ZC3H7B: variants seen among roughly 807,000 people sequenced by gnomAD.
The protein encoded by ZC3H7B is zinc finger CCCH domain-containing protein 7B.
ZC3H7B carries 35 observed loss-of-function variants against 116.0 expected under a neutral mutation model. The ratio of observed to expected loss-of-function variants is 0.30; its 90% confidence interval spans 0.23 to 0.40. ZC3H7B has a LOEUF of 0.40. ZC3H7B is among the 10% of genes least tolerant of loss of function. ZC3H7B has a pLI of 1.00. For synonymous variants in ZC3H7B, 502 were observed against 545.6 expected, an observed-to-expected ratio of 0.92 and a Z score of 1.11; for missense variants, 1,011 against 1,321.5, an observed-to-expected ratio of 0.77 and a Z score of 3.64.
chr22:41,343,596 G>A lies in ZC3H7B; in HGVS notation c.1459+20G>A. 6.3e-7 allele frequency: 1 copy of A among 1,576,752 alleles called. No homozygotes were observed. Among genetic ancestry groups the A allele is most frequent in the Non-Finnish European group, 8.6e-7 (1 of 1,157,436 alleles). On this transcript the variant is annotated intron_variant, in intron 13 of 22. Transcript: ENST00000352645. The stretch of plus-strand genomic sequence containing the variant: ...GCAAAGGTGGGTGGGCTGCAGCGGG[G>A]CAGGCAGCACAGCTGGGGCCCAGCC...
intron 1 of ZC3H7B, among the ~76,000 whole-genome samples, chr22:41,318,603 G>A (rs913027443): frequency 4.6e-5 from 7 of 151,242 alleles, no homozygotes; most frequent in African/African-American, 1.7e-4. Flanking sequence ...TTAAAGGTTA[G>A]CGAGGCATGG....
intron 1 of ZC3H7B, among the ~76,000 whole-genome samples, chr22:41,320,399 T>C (rs1185721477): frequency 6.6e-6 from 1 of 150,950 alleles, no homozygotes; most frequent in Non-Finnish European, 1.5e-5. Flanking sequence ...AGCTCAAGCC[T>C]GTGTGGGAAA....
rs1284380682 is a variant in ZC3H7B, at chr22:41,301,674, C to G, written c.-105C>G. The G allele has an allele frequency of 6.6e-6, 1 of 152,170 alleles. No homozygotes were observed. The highest frequency in any genetic ancestry group is 1.5e-5 in the Non-Finnish European group (1 of 68,032). The allele number at this position is 152,170 out of a possible 1,614,324, so 9.4% of individuals were successfully genotyped here. On this transcript the variant is annotated 5_prime_UTR_variant, in exon 1 of 23. Transcript: ENST00000352645. The stretch of plus-strand genomic sequence containing the variant: ...CGCCCGTAATTAAATAGCATTTACT[C>G]TTATTATTACTAATAATAATAACGT...
rs35629525 is a variant in ZC3H7B, at chr22:41,320,030, CAA to C, written c.-6-611_-6-610del. ...TGGGCAATAGAGCGAGACTCCATCT[CAA>C]AAAAAAAAAAAAATGGGGGGCCGGG... On this transcript the variant is annotated intron_variant, in intron 1 of 22. Coordinates refer to ENST00000352645, the MANE Select transcript of ZC3H7B (RefSeq NM_017590.6). Among the ~76,000 whole-genome samples, 44 of 127,598 alleles carry C rather than the reference CAA, an allele frequency of 3.4e-4. 1 individual carries two copies. The East Asian group carries it at 6.2e-3, about 18-fold the overall frequency. The allele number at this position is 127,598 out of a possible 152,430, so 83.7% of individuals were successfully genotyped here. A position where few individuals can be genotyped will look rare whatever the true frequency, so the allele number is the denominator to read the frequency against.
intron 15 of ZC3H7B, among the ~76,000 whole-genome samples, 177 bp downstream of exon 15, chr22:41,348,344 C>G (rs563164682): frequency 1.3e-5 from 2 of 152,216 alleles, no homozygotes; most frequent in African/African-American, 4.8e-5. Flanking sequence ...TCACATTTGT[C>G]GAACATCTAC....
At chr22:41,306,344 T>C (rs1280755639) in intron 1 of ZC3H7B, among the ~76,000 whole-genome samples, 2 of 152,014 alleles carry the variant, frequency 1.3e-5, no homozygotes, top group Non-Finnish European at 2.9e-5. Flanking sequence ...CTGTTGCAAG[T>C]GCTTTTTCCT....
chr22:41,353,677 C>A (rs549059297), intron 17 of ZC3H7B, among the ~76,000 whole-genome samples: 1 of 152,242 alleles, frequency 6.6e-6, no homozygotes, highest in Admixed American at 6.5e-5. Context: ...AAGAGGCTGA[C>A]CAGGGTGTGG....
chr22:41,312,223 T>A (rs941646057), intron 1 of ZC3H7B, among the ~76,000 whole-genome samples: 8 of 151,590 alleles, frequency 5.3e-5, no homozygotes, highest in Non-Finnish European at 7.4e-5. Flanking sequence ...TCCCAGTACT[T>A]TGGGAGGCTG....
chr22:41,311,321 A>G (rs182251899), intron 1 of ZC3H7B, among the ~76,000 whole-genome samples: 93 of 152,112 alleles, frequency 6.1e-4, no homozygotes, highest in African/African-American at 2.0e-3. Flanking sequence ...AAGGTGGCTG[A>G]GAACAGGATG....
chr22:41,313,940 G>A (rs1273507328), intron 1 of ZC3H7B, among the ~76,000 whole-genome samples: 1 of 151,142 alleles, frequency 6.6e-6, no homozygotes, highest in East Asian at 1.9e-4. Context: ...ATTTTTGTAG[G>A]GACGGGTTTT....
chr22:41,344,086 TC>T (rs1569240997), intron 13 of ZC3H7B, among the ~76,000 whole-genome samples: 4 of 152,244 alleles, frequency 2.6e-5, no homozygotes, highest in Non-Finnish European at 4.4e-5. Flanking sequence ...CTAGCTTCTT[TC>T]TGGTCCCAGC....
chr22:41,323,065 A>G (rs1468566265), intron 2 of ZC3H7B, among the ~76,000 whole-genome samples: 1 of 152,196 alleles, frequency 6.6e-6, no homozygotes, highest in Admixed American at 6.5e-5. Context: ...CGCACAACGC[A>G]GTCACTTTTC....
chr22:41,337,077 G>A (rs994671077), intron 7 of ZC3H7B, among the ~76,000 whole-genome samples: 3 of 149,386 alleles, frequency 2.0e-5, no homozygotes, highest in Admixed American at 6.7e-5. Context: ...CAGAGGTTTC[G>A]GTAAGCCAAG....
At chr22:41,352,764 A>AAAAT (rs1157168255) in intron 17 of ZC3H7B, among the ~76,000 whole-genome samples, 3 of 151,930 alleles carry the variant, frequency 2.0e-5, no homozygotes, top group East Asian at 1.9e-4. Flanking sequence ...TCCGTCTCAA[A>AAAAT]AAATAAATAA....
chr22:41,320,911 C>T (rs1447041810), intron 2 of ZC3H7B, among the ~76,000 whole-genome samples, 198 bp downstream of exon 2: 1 of 152,182 alleles, frequency 6.6e-6, no homozygotes, highest in Non-Finnish European at 1.5e-5. Flanking sequence ...TGCACACATG[C>T]TCCCTGGCCC....
At chr22:41,333,313 G>C (rs924555491) in intron 7 of ZC3H7B, 1 of 152,206 alleles carries the variant, frequency 6.6e-6, no homozygotes, top group Non-Finnish European at 1.5e-5. Context: ...ATCTGCCTTT[G>C]TAGCACTCAT....
intron 6 of ZC3H7B, 141 bp from the exon 7 acceptor site, chr22:41,332,030 C>T: frequency 1.2e-6 from 1 of 820,150 alleles, no homozygotes; most frequent in Non-Finnish European, 2.0e-6. Flanking sequence ...TGATTTCCGG[C>T]AGGCCTGGGG....
intron 4 of ZC3H7B, among the ~76,000 whole-genome samples, 196 bp downstream of exon 4, chr22:41,326,114 G>A (rs1282977911): frequency 1.3e-5 from 2 of 152,182 alleles, no homozygotes; most frequent in Non-Finnish European, 2.9e-5. Context: ...GCTTTTAAAA[G>A]TACGGATGCA....
At chr22:41,324,904 CTGTCCCT>C (rs930317073) in intron 2 of ZC3H7B, among the ~76,000 whole-genome samples, 2 of 152,318 alleles carry the variant, frequency 1.3e-5, no homozygotes, top group Non-Finnish European at 2.9e-5. Flanking sequence ...CTGCCTGCTC[CTGTCCCT>C]GGCACTCCTG....
Sources: allele counts gnomAD v4.1 joint callset (sites outside exome capture counted in the v4.1 genomes callset), GRCh38; gene constraint gnomAD v4.1.1; transcripts MANE v1.5; gene names NCBI Gene and HGNC (gene_info 2026-07-23, HGNC 2026-07-21).